TMEM38B: variants seen among roughly 807,000 people sequenced by gnomAD.
TMEM38B encodes the protein trimeric intracellular cation channel type B.
Under a neutral mutation model 28.7 loss-of-function variants are expected in TMEM38B, and 24 were observed. The observed-to-expected ratio is 0.84, with a 90% CI of 0.61 to 1.18. The LOEUF is 1.18. Ranked by LOEUF, TMEM38B falls within the 50% of genes most tolerant of loss-of-function variation. TMEM38B has a pLI of 0.00. For missense variants in TMEM38B, 380 were observed against 350.9 expected (o/e 1.08, Z -0.66); for synonymous variants, 131 against 127.7 (o/e 1.03, Z -0.17).
intron 1 of TMEM38B, among the ~76,000 whole-genome samples, chr9:105,700,590 A>G (rs1006084258): frequency 4.6e-5 from 7 of 152,134 alleles, no homozygotes; most frequent in Non-Finnish European, 1.0e-4. Flanking sequence ...ATAATTAGCA[A>G]TTTCTCAATA....
chr9:105,751,445 G>A (rs965122124), intron 5 of TMEM38B, among the ~76,000 whole-genome samples: 3 of 152,228 alleles, frequency 2.0e-5, no homozygotes, highest in African/African-American at 7.2e-5. Flanking sequence ...CAGCTGTGTG[G>A]AGTTTTGGCA....
intron 4 of TMEM38B, among the ~76,000 whole-genome samples, chr9:105,745,549 C>G (rs930637364): frequency 1.3e-5 from 2 of 152,146 alleles, no homozygotes; most frequent in Non-Finnish European, 2.9e-5. Context: ...CCTGTTCACT[C>G]TGATGGTAGT....
chr9:105,750,631 A>AAACAAAT (rs111580806), intron 5 of TMEM38B, among the ~76,000 whole-genome samples: 31,325 of 151,836 alleles, frequency 0.21, 4,968 homozygotes, highest in East Asian at 0.46. Context: ...AAAAAACAAA[A>AAACAAAT]AACACACATT....
intron 2 of TMEM38B, among the ~76,000 whole-genome samples, chr9:105,720,755 T>C (rs117882840): frequency 0.017 from 2,548 of 152,274 alleles, 21 homozygotes; most frequent in Middle Eastern, 0.034. Flanking sequence ...TGTTCTACTT[T>C]AAGCACAAAA....
Position 105,718,264 on chromosome 9 carries a change from G to A in TMEM38B, c.270-3273G>A, listed in dbSNP as rs1836183208. ...AGGTTTTTTTTTTTTTTTAGATGGG[G>A]TCTTGCTCTTGTTGCCTAGGCTGGA... On this transcript the variant is annotated intron_variant, in intron 2 of 5. Coordinates refer to ENST00000374692, the MANE Select transcript of TMEM38B (RefSeq NM_018112.3). Among the ~76,000 whole-genome samples the A allele has an allele frequency of 3.3e-5, 5 of 150,542 alleles. No individual in the cohort carries two copies. In the South Asian group the frequency reaches 1.1e-3, roughly 32 times the overall value.
chr9:105,749,046 T>G (rs547442880), intron 5 of TMEM38B: 770 of 1,297,302 alleles, frequency 5.9e-4, no homozygotes, highest in Non-Finnish European at 7.2e-4. Context: ...ATGAAGTCAC[T>G]GTGTGAATCA....
chr9:105,772,072 C>T (rs1826562953), intron 5 of TMEM38B, among the ~76,000 whole-genome samples: 1 of 152,194 alleles, frequency 6.6e-6, no homozygotes, highest in South Asian at 2.1e-4. Context: ...TGGGGTCTTA[C>T]TTTAAGCCTG....
At chr9:105,731,085 G>T (rs1836724738) in intron 4 of TMEM38B, among the ~76,000 whole-genome samples, 1 of 152,018 alleles carries the variant, frequency 6.6e-6, no homozygotes, top group African/African-American at 2.4e-5. Context: ...ATTGATCTTA[G>T]TTATTTCTTG....
At chr9:105,752,042 C>T (rs1160627910) in intron 5 of TMEM38B, among the ~76,000 whole-genome samples, 1 of 152,174 alleles carries the variant, frequency 6.6e-6, no homozygotes, top group African/African-American at 2.4e-5. Flanking sequence ...AGAGTTTCCC[C>T]ACAATGCAGC....
chr9:105,773,719 C>A, intron 5 of TMEM38B, 146 bp from the exon 6 acceptor site: 1 of 682,346 alleles, frequency 1.5e-6, no homozygotes, highest in Non-Finnish European at 2.4e-6. Context: ...TCATGGAGAA[C>A]AGAGATTTTA....
At chr9:105,704,084 G>A in intron 1 of TMEM38B, among the ~76,000 whole-genome samples, 1 of 150,618 alleles carries the variant, frequency 6.6e-6, no homozygotes, top group Admixed American at 6.6e-5. Context: ...GACTGTTGTG[G>A]GGTAGGGGGA....
At position 105,728,399 on chromosome 9, in the gene TMEM38B, G is replaced by A. The variant is rs140186808; in HGVS notation, c.542+5778G>A. On this transcript the variant is annotated intron_variant, in intron 4 of 5. Transcript: ENST00000374692. ...AGAATGATGATTTACAGCTTCATCCGTGTCCCTGTAAAGGACATGAACTCA... is the reference window on the plus strand; with the variant it reads ...AGAATGATGATTTACAGCTTCATCCATGTCCCTGTAAAGGACATGAACTCA... 6.0e-4 allele frequency among the ~76,000 whole-genome samples: 91 copies of A among 152,128 alleles called. 1 individual carries two copies. In the East Asian group the frequency reaches 0.011, roughly 18 times the overall value.
intron 4 of TMEM38B, among the ~76,000 whole-genome samples, chr9:105,728,287 C>T (rs972345559): frequency 2.0e-5 from 3 of 151,408 alleles, no homozygotes; most frequent in Admixed American, 6.6e-5. Flanking sequence ...GTTCCCCTCT[C>T]TGTGTCCATG....
intron 2 of TMEM38B, among the ~76,000 whole-genome samples, chr9:105,708,289 A>G (rs769119807): frequency 1.4e-4 from 21 of 152,226 alleles, no homozygotes; most frequent in Non-Finnish European, 2.8e-4. Context: ...AACTATTTGT[A>G]TAGTATTTAC....
chr9:105,737,570 G>A (rs73668946), intron 4 of TMEM38B, among the ~76,000 whole-genome samples: 7,152 of 152,252 alleles, frequency 0.047, 374 homozygotes, highest in African/African-American at 0.13. Flanking sequence ...TGAGGAAGTG[G>A]GATGCCTCAG....
At chr9:105,759,597 T>A in intron 5 of TMEM38B, 1 of 1,559,624 alleles carries the variant, frequency 6.4e-7, no homozygotes, top group South Asian at 1.1e-5. Flanking sequence ...GAATTGTAGA[T>A]GTGTCAGGGA....
intron 4 of TMEM38B, among the ~76,000 whole-genome samples, chr9:105,725,647 G>A (rs574873560): frequency 6.6e-6 from 1 of 152,208 alleles, no homozygotes; most frequent in East Asian, 1.9e-4. Flanking sequence ...TTACTGTAGT[G>A]ACTACTATAG....
chr9:105,718,684 C>T (rs1836202259), intron 2 of TMEM38B, among the ~76,000 whole-genome samples: 1 of 152,138 alleles, frequency 6.6e-6, no homozygotes, highest in Non-Finnish European at 1.5e-5. Flanking sequence ...CTTGGTATGT[C>T]ATAGTATTGT....
rs567803244 is a variant in TMEM38B at position 105,702,021 on chromosome 9, C to T, written c.113-3576C>T. Among the ~76,000 whole-genome samples the T allele has an allele frequency of 3.3e-5, 5 of 152,134 alleles. No homozygotes were observed. In the East Asian group the frequency reaches 9.7e-4, roughly 29 times the overall value. On this transcript the variant is annotated intron_variant, in intron 1 of 5. Transcript: ENST00000374692. ...CTTGAGGCCAGAAGTTTGAGACCAG[C>T]CTGGCCAACATAGTGAGACCCCATC...
Sources: gnomAD v4.1 joint callset for allele counts (sites outside exome capture counted in the v4.1 genomes callset) on GRCh38, gnomAD v4.1.1 for gene constraint, MANE v1.5 for transcripts, NCBI Gene and HGNC (gene_info 2026-07-23, HGNC 2026-07-21) for gene names.